Variants in LTBP1 observed in about 807,000 individuals in gnomAD.
LTBP1 encodes latent-transforming growth factor beta-binding protein 1.
Under a neutral mutation model 207.6 loss-of-function variants are expected in LTBP1, and 129 were observed. The ratio of observed to expected loss-of-function variants is 0.62; its 90% CI spans 0.54 to 0.72. The LOEUF (loss-of-function observed/expected upper bound fraction) is 0.72, where lower values mean the gene tolerates loss of function less well. LTBP1 is among the 30% of genes least tolerant of loss of function. LTBP1 has a pLI of 0.00. For missense variants in LTBP1, 2,281 were observed against 2,217.2 expected (o/e 1.03, Z -0.58); for synonymous variants, 963 against 833.7 (o/e 1.16, Z -2.67).
chr2:33,325,617 A>G (rs2094416705), intron 24 of LTBP1, among the ~76,000 whole-genome samples: 1 of 152,242 alleles, frequency 6.6e-6, no homozygotes, highest in East Asian at 1.9e-4. Context: ...AGACAAAGTA[A>G]TAGAGCCTTT....
intron 5 of LTBP1, among the ~76,000 whole-genome samples, chr2:33,171,368 C>G (rs1244992986): frequency 1.4e-5 from 2 of 146,780 alleles, no homozygotes; most frequent in Non-Finnish European, 3.0e-5. Flanking sequence ...AATGCAGAAG[C>G]CTCAGGAGCC....
chr2:33,015,601 G>C (rs966468830), intron 2 of LTBP1, among the ~76,000 whole-genome samples: 3 of 139,464 alleles, frequency 2.2e-5, no homozygotes, highest in Non-Finnish European at 4.7e-5. Flanking sequence ...CAGTGGACAA[G>C]AGCCAGATGG....
chr2:33,234,330 TA>T (rs560953060), intron 9 of LTBP1, among the ~76,000 whole-genome samples: 4 of 152,226 alleles, frequency 2.6e-5, no homozygotes, highest in African/African-American at 9.6e-5. Context: ...TTTGGGAATA[TA>T]TAAGAGAGTG....
At chr2:33,311,269 C>T (rs2094183333) in intron 23 of LTBP1, among the ~76,000 whole-genome samples, 1 of 152,138 alleles carries the variant, frequency 6.6e-6, no homozygotes, top group South Asian at 2.1e-4. Context: ...CACCTTCCTG[C>T]ACTTGATGTG....
At position 33,264,819 on chromosome 2, in the gene LTBP1, A is replaced by G. The variant is rs79735642; in HGVS notation, c.2617+1427A>G. On this transcript the variant is annotated intron_variant, in intron 15 of 33. Coordinates refer to ENST00000404816, the MANE Select transcript of LTBP1 (RefSeq NM_206943.4). ...CAGAACCAACAGGATATATCCAGAT[A>G]TGTAGAAAGAGCTTTATTGTGAGGG... is the stretch of plus-strand genomic sequence containing the variant. 7.2e-3 allele frequency among the ~76,000 whole-genome samples: 1,102 copies of G among 152,270 alleles called. 6 individuals are homozygous for G. Among genetic ancestry groups the G allele is most frequent in the African/African-American group, 0.025 (1,039 of 41,560 alleles).
rs372623817 is a variant in LTBP1 at position 33,360,661 on chromosome 2, C to T, written c.4065C>T (p.Asp1355=). Residue 1355 remains aspartate, a synonymous_variant, in exon 27 of 34, where the codon GAC becomes GAT. Transcript: ENST00000404816. Reference sequence around the variant, plus strand: ...AAGAATGCTACTATAATCTCAATGACGCCAGTCTCTGTGATAATGTGTTGG... The same window carrying T: ...AAGAATGCTACTATAATCTCAATGATGCCAGTCTCTGTGATAATGTGTTGG... ...EKKECYYNLN[D]ASLCDNVLAP... 65 of 1,613,480 alleles carry T rather than the reference C, an allele frequency of 4.0e-5. No homozygotes were observed. The highest frequency in any genetic ancestry group is 7.7e-5 in the South Asian group (7 of 91,070).
At position 33,248,218 on chromosome 2, in the gene LTBP1, C is replaced by T. The variant is rs370563566; in HGVS notation, c.1999+4434C>T. ...CAATAATAATTTTTATTGCAAACTT[C>T]GTAAATGCCAGGCACTGTGCTAAGC... On this transcript the variant is annotated intron_variant, in intron 10 of 33. Transcript: ENST00000404816. Among the ~76,000 whole-genome samples, 59 of 152,280 alleles carry T rather than the reference C, an allele frequency of 3.9e-4. No homozygotes were observed. The East Asian group carries it at 7.3e-3, about 19-fold the overall frequency.
At chr2:33,022,916 C>T (rs1282398803) in intron 3 of LTBP1, among the ~76,000 whole-genome samples, 1 of 152,030 alleles carries the variant, frequency 6.6e-6, no homozygotes. Flanking sequence ...TTTTCTCAAC[C>T]ATTAAAAAAC....
intron 9 of LTBP1, among the ~76,000 whole-genome samples, chr2:33,242,167 A>AT (rs778722604): frequency 9.9e-5 from 15 of 152,214 alleles, no homozygotes; most frequent in Non-Finnish European, 1.6e-4. Flanking sequence ...AACATGAAAT[A>AT]TTGATGTTCA....
intron 2 of LTBP1, among the ~76,000 whole-genome samples, chr2:32,982,334 G>C (rs1682886633): frequency 6.6e-6 from 1 of 152,176 alleles, no homozygotes; most frequent in Non-Finnish European, 1.5e-5. Flanking sequence ...CTTCTAAGTG[G>C]CAAACTGTTC....
At chr2:33,050,880 G>A (rs1460705656) in intron 3 of LTBP1, among the ~76,000 whole-genome samples, 1 of 151,808 alleles carries the variant, frequency 6.6e-6, no homozygotes, top group Non-Finnish European at 1.5e-5. Flanking sequence ...ATTACAGGCG[G>A]GCATCACCAT....
Position 33,173,757 on chromosome 2 carries a change from T to G in LTBP1, c.1202-13099T>G, listed in dbSNP as rs978791107. On this transcript the variant is annotated intron_variant, in intron 5 of 33. Transcript: ENST00000404816. ...TGAACATTGATGCAAAAATCCTCAA[T>G]AAAATACTGGCAAACCGAATCCAGC... Among the ~76,000 whole-genome samples the G allele has an allele frequency of 1.8e-4, 26 of 144,438 alleles. 2 individuals are homozygous for G. The highest frequency in any genetic ancestry group is 6.5e-4 in the African/African-American group (26 of 39,720). 94.8% of individuals were successfully genotyped at this position (144,438 alleles called of 152,430 possible).
chr2:33,147,349 A>C (rs1043556986), intron 5 of LTBP1, among the ~76,000 whole-genome samples: 2 of 152,184 alleles, frequency 1.3e-5, no homozygotes, highest in African/African-American at 4.8e-5. Flanking sequence ...TTAAATGCAG[A>C]TTCTGATTCA....
At chr2:33,352,710 A>G (rs145055144) in intron 26 of LTBP1, among the ~76,000 whole-genome samples, 1 of 152,294 alleles carries the variant, frequency 6.6e-6, no homozygotes, top group African/African-American at 2.4e-5. Flanking sequence ...CAAAACATAG[A>G]TATCGGTTTA....
At chr2:33,075,896 T>A (rs1361044658) in intron 3 of LTBP1, among the ~76,000 whole-genome samples, 2 of 152,226 alleles carry the variant, frequency 1.3e-5, no homozygotes, top group Non-Finnish European at 2.9e-5. Flanking sequence ...GCTTCTTTAT[T>A]TTTCTAGGCA....
chr2:33,300,479 A>G lies in LTBP1; in HGVS notation c.3264A>G (p.Leu1088=), dbSNP rs1468719410. ...TTGATGAATGTCAGCAAGGGAATCTATGTGTAAACGGGCAGTGCAAAAATA... is the reference window on the plus strand; with the variant it reads ...TTGATGAATGTCAGCAAGGGAATCTGTGTGTAAACGGGCAGTGCAAAAATA... The part of the protein sequence containing the change: ...RDIDECQQGN[L]CVNGQCKNTE... The change falls in exon 21 of 34, where the codon CTA becomes CTG. Residue 1088 remains leucine, a synonymous_variant. Transcript: ENST00000404816. 5.6e-6 allele frequency: 9 copies of G among 1,613,470 alleles called. No homozygotes were observed. Among genetic ancestry groups the G allele is most frequent in the South Asian group, 3.3e-5 (3 of 91,064 alleles).
chr2:32,999,232 A>G (rs1685737394), intron 2 of LTBP1, among the ~76,000 whole-genome samples: 1 of 152,222 alleles, frequency 6.6e-6, no homozygotes, highest in South Asian at 2.1e-4. Context: ...CAGTATCTGC[A>G]TTTTAGTGAG....
At chr2:33,280,611 G>A (rs185992752) in intron 19 of LTBP1, among the ~76,000 whole-genome samples, 80 of 152,288 alleles carry the variant, frequency 5.3e-4, no homozygotes, top group African/African-American at 1.9e-3. Context: ...CTAATTACCC[G>A]TGCTGTAGTT....
At chr2:33,128,419 A>T (rs1572760520) in intron 4 of LTBP1, among the ~76,000 whole-genome samples, 1 of 152,208 alleles carries the variant, frequency 6.6e-6, no homozygotes, top group Non-Finnish European at 1.5e-5. Context: ...TCTGCTCCTT[A>T]TTCTGTTTAC....
Sources: allele counts gnomAD v4.1 joint callset (sites outside exome capture counted in the v4.1 genomes callset), GRCh38; gene constraint gnomAD v4.1.1; transcripts MANE v1.5; gene names NCBI Gene and HGNC (gene_info 2026-07-23, HGNC 2026-07-21).